MCF2L: variants seen among roughly 807,000 people sequenced by gnomAD.
MCF2L encodes the protein MCF.2 cell line derived transforming sequence like.
MCF2L carries 97 observed loss-of-function variants against 153.4 expected under a neutral mutation model. The observed-to-expected ratio is 0.63, with a 90% CI of 0.54 to 0.75. MCF2L has a LOEUF of 0.75. Ranked by LOEUF, MCF2L falls within the 30% of genes least tolerant of loss-of-function variation. The pLI is 0.00. For missense variants in MCF2L, 1,347 were observed against 1,495.2 expected (o/e 0.90, Z 1.64); for synonymous variants, 659 against 632.2 (o/e 1.04, Z -0.64).
rs1279208746 is a variant in MCF2L, at chr13:113,035,885, G to A, written c.279-9386G>A. On this transcript the variant is annotated intron_variant, in intron 3 of 29. Coordinates refer to ENST00000535094, the MANE Select transcript of MCF2L (RefSeq NM_001112732.3). This position sits in a 1 kb window ranked among gnomAD's most constrained non-coding sequence, Gnocchi z 4.4. Reference sequence around the variant, plus strand: ...AAATGGCAGAGGCCCCTTTGGTAGTGAGTCTGTGTGACAGGCGATGGGGCC... The same window carrying A: ...AAATGGCAGAGGCCCCTTTGGTAGTAAGTCTGTGTGACAGGCGATGGGGCC... 6.6e-6 allele frequency among the ~76,000 whole-genome samples: 1 copy of A among 152,162 alleles called. No individual in the cohort carries two copies. The highest frequency in any genetic ancestry group is 2.4e-5 in the African/African-American group (1 of 41,422).
chr13:113,077,216 G>T lies in MCF2L; in HGVS notation c.1660+5G>T, dbSNP rs1399816583. 1 of 1,554,140 alleles carries T rather than the reference G, an allele frequency of 6.4e-7. No individual in the cohort carries two copies. Among genetic ancestry groups the T allele is most frequent in the Non-Finnish European group, 8.7e-7 (1 of 1,146,352 alleles). ...AGTCGCCCTGCCCCTCCCCAGGTCT[G>T]TGTGGCCGCCCGGTGCCCCGGGTGC... On this transcript the variant is annotated splice_donor_5th_base_variant and intron_variant, in intron 13 of 29. Transcript: ENST00000535094.
At chr13:112,977,729 G>A (rs556553810) in intron 1 of MCF2L, among the ~76,000 whole-genome samples, 1 of 152,304 alleles carries the variant, frequency 6.6e-6, no homozygotes, top group South Asian at 2.1e-4. Flanking sequence ...AGGCGACCCT[G>A]ATGGCTCCCG....
intron 16 of MCF2L, among the ~76,000 whole-genome samples, chr13:113,081,965 A>G (rs1040298705): frequency 2.8e-5 from 4 of 142,406 alleles, no homozygotes; most frequent in African/African-American, 1.1e-4. Context: ...GCGAGTGTGC[A>G]CATGTGATCA....
Position 113,065,055 on chromosome 13 carries a change from T to C in MCF2L, c.726T>C (p.Cys242=), listed in dbSNP as rs759580777. ...TCCAGTCGACAAGCTCAGTGCTGTG[T>C]GCGCACACAGAGAAGAAGGACAAGG... ...NDVQSTSSVL[C]AHTEKKDKAK... The change falls in exon 7 of 30, where the codon TGT becomes TGC. Residue 242 remains cysteine, a synonymous_variant. Coordinates refer to ENST00000535094, the MANE Select transcript of MCF2L (RefSeq NM_001112732.3). The C allele has an allele frequency of 1.9e-6, 3 of 1,604,482 alleles. No homozygotes were observed. The African/African-American group carries it at 4.2e-5, about 22-fold the overall frequency.
Position 113,066,167 on chromosome 13 carries a change from AGAGGTGAGGCCCG to A in MCF2L, c.880_881+11del. The A allele has an allele frequency of 6.2e-7, 1 of 1,609,418 alleles. No homozygotes were observed. Among genetic ancestry groups the A allele is most frequent in the South Asian group, 1.1e-5 (1 of 90,744 alleles). Reference sequence around the variant, plus strand: ...CAGCTTGACAACCAGGCCACCGTGCAGAGGTGAGGCCCGGCTGCCTTCCTGCCCTCATCCTGTC... The same window carrying A: ...CAGCTTGACAACCAGGCCACCGTGCAGCTGCCTTCCTGCCCTCATCCTGTC... On this transcript the variant is annotated splice_donor_variant and splice_donor_5th_base_variant and coding_sequence_variant and intron_variant, in exon 8 of 30. Coordinates refer to ENST00000535094, the MANE Select transcript of MCF2L (RefSeq NM_001112732.3). LOFTEE classifies it high-confidence loss of function.
Position 112,904,652 on chromosome 13 carries a change from G to C in MCF2L, c.169+2281G>C, listed in dbSNP as rs989825502. ...TCCAACCCTGGACTCCAGGGGATTG[G>C]AAGATAATCTGCTTAGAGTTCTGAG... On this transcript the variant is annotated intron_variant, in intron 2 of 29. Coordinates refer to the MCF2L transcript ENST00000375608. This position sits in a 1 kb window ranked among gnomAD's most constrained non-coding sequence, Gnocchi z 4.2. 2.6e-5 allele frequency among the ~76,000 whole-genome samples: 4 copies of C among 152,252 alleles called. No individual in the cohort carries two copies. Among genetic ancestry groups the C allele is most frequent in the African/African-American group, 9.6e-5 (4 of 41,484 alleles).
upstream of MCF2L, chr13:112,968,473 G>A (rs1260230055): frequency 1.1e-5 from 17 of 1,590,002 alleles, no homozygotes; most frequent in Non-Finnish European, 1.4e-5. Flanking sequence ...CCATGGCGAG[G>A]GTGGAGAGCC....
intron 1 of MCF2L, among the ~76,000 whole-genome samples, chr13:112,898,322 G>A (rs533367947): frequency 1.4e-4 from 21 of 152,296 alleles, no homozygotes; most frequent in African/African-American, 4.8e-4. Flanking sequence ...GCCTCTCCGC[G>A]CTCTACCCGA....
intron 1 of MCF2L, among the ~76,000 whole-genome samples, chr13:113,011,606 A>G (rs1201946596): frequency 1.5e-5 from 2 of 133,660 alleles, no homozygotes; most frequent in African/African-American, 2.9e-5. Flanking sequence ...TGGACACTGC[A>G]GTGTGGATGG....
rs1218260184 is a variant in MCF2L, at chr13:113,098,919, A to C, written c.*2060A>C. 1 of 152,346 alleles carries C rather than the reference A, an allele frequency of 6.6e-6. No homozygotes were observed. Among genetic ancestry groups the C allele is most frequent in the African/African-American group, 2.4e-5 (1 of 41,450 alleles). 9.4% of individuals were successfully genotyped at this position (152,346 alleles called of 1,614,324 possible). On this transcript the variant is annotated 3_prime_UTR_variant, in exon 30 of 30. Transcript: ENST00000535094. ...AAGGGGAAAGCATGGTTAACAGGAA[A>C]CAACATGTAACGGAAGAGACAGCCC... is the stretch of plus-strand genomic sequence containing the variant.
intron 2 of MCF2L, among the ~76,000 whole-genome samples, chr13:112,930,370 A>G (rs1214703821): frequency 2.6e-5 from 4 of 152,228 alleles, no homozygotes; most frequent in Non-Finnish European, 5.9e-5. Flanking sequence ...GTGAAAAGAA[A>G]TGGGCTAAGT....
Position 113,024,752 on chromosome 13 carries a change from T to C in MCF2L, c.272T>C (p.Ile91Thr). ...FQNVMTYLTSIPSLQDAGIGF... is the reference protein window; with the variant it reads ...FQNVMTYLTSTPSLQDAGIGF... ...AATGTCATGACCTACCTCACCAGCATCCCCAGGTACGTGCACCCAGAGCCC... is the reference window on the plus strand; with the variant it reads ...AATGTCATGACCTACCTCACCAGCACCCCCAGGTACGTGCACCCAGAGCCC... The change falls in exon 3 of 30, where the codon ATC (isoleucine) becomes ACC (threonine). Residue 91 changes from isoleucine (I) to threonine (T), a missense_variant. Coordinates refer to ENST00000535094, the MANE Select transcript of MCF2L (RefSeq NM_001112732.3). The C allele has an allele frequency of 6.2e-7, 1 of 1,613,354 alleles. No homozygotes were observed. Among genetic ancestry groups the C allele is most frequent in the South Asian group, 1.1e-5 (1 of 91,076 alleles).
intron 2 of MCF2L, among the ~76,000 whole-genome samples, chr13:112,919,501 G>A (rs1048611103): frequency 5.9e-5 from 9 of 152,188 alleles, no homozygotes; most frequent in Admixed American, 3.3e-4. Context: ...CACCGCGCCC[G>A]GCCAGAATTT....
intron 2 of MCF2L, among the ~76,000 whole-genome samples, chr13:112,931,617 C>T (rs986503453): frequency 6.6e-6 from 1 of 152,214 alleles, no homozygotes; most frequent in Non-Finnish European, 1.5e-5. Context: ...GAAGCAGCAG[C>T]AGCCAGTGTC....
At chr13:112,952,677 T>C (rs75618434) in intron 2 of MCF2L, among the ~76,000 whole-genome samples, 2,350 of 152,298 alleles carry the variant, frequency 0.015, 63 homozygotes, top group African/African-American at 0.053. Flanking sequence ...GCATTACTAT[T>C]AGTAAATTTC....
chr13:112,986,480 A>G (rs1594493087), intron 1 of MCF2L, among the ~76,000 whole-genome samples: 1 of 151,882 alleles, frequency 6.6e-6, no homozygotes, highest in South Asian at 2.1e-4. Flanking sequence ...CTTCCCCCAA[A>G]CCTCCCACCT....
In MCF2L at chr13:112,983,589, C is replaced by T. The variant is rs1043572583; in HGVS notation, c.79+14131C>T. 6.6e-6 allele frequency among the ~76,000 whole-genome samples: 1 copy of T among 152,208 alleles called. No homozygotes were observed. The highest frequency in any genetic ancestry group is 1.5e-5 in the Non-Finnish European group (1 of 68,032). ...AGAGCCGTAGGCGGAGACAGGGAGCCGGGAGGAGCGTCAGATGCCTGTGGC... is the reference window on the plus strand; with the variant it reads ...AGAGCCGTAGGCGGAGACAGGGAGCTGGGAGGAGCGTCAGATGCCTGTGGC... On this transcript the variant is annotated intron_variant, in intron 1 of 29. Coordinates refer to ENST00000535094, the MANE Select transcript of MCF2L (RefSeq NM_001112732.3). The surrounding 1 kb of genome is among the most constrained non-coding windows in gnomAD (Gnocchi z 4.0).
chr13:112,901,999 G>A (rs1017569201), intron 1 of MCF2L, among the ~76,000 whole-genome samples: 2 of 152,226 alleles, frequency 1.3e-5, no homozygotes, highest in Non-Finnish European at 2.9e-5. Flanking sequence ...AGTTATAGAA[G>A]AAGGTTCCTT....
At chr13:112,917,659 C>T (rs555222329) in intron 2 of MCF2L, 32 of 167,380 alleles carry the variant, frequency 1.9e-4, no homozygotes, top group African/African-American at 5.0e-4. Flanking sequence ...CCTCCACAGT[C>T]GGCCGCAGTT....
Sources: gnomAD v4.1 joint callset for allele counts (sites outside exome capture counted in the v4.1 genomes callset) on GRCh38, gnomAD v4.1.1 for gene constraint, Gnocchi (gnomAD v3.1) non-coding constraint, MANE v1.5 for transcripts, NCBI Gene and HGNC (gene_info 2026-07-23, HGNC 2026-07-21) for gene names.